The following RBFOX1 variants were observed in gnomAD, a reference collection of about 807,000 sequenced individuals.
RBFOX1 encodes the protein RNA binding fox-1 homolog 1.
RBFOX1 carries 8 observed loss-of-function variants against 57.7 expected under a neutral mutation model. The ratio of observed to expected loss-of-function variants is 0.14; its 90% CI spans 0.08 to 0.25. RBFOX1 has a LOEUF of 0.25. Among genes scored for constraint, RBFOX1 ranks in the 10% least tolerant of loss-of-function variants. RBFOX1 has a pLI of 1.00. For synonymous variants in RBFOX1, 326 were observed against 222.4 expected, an observed-to-expected ratio of 1.47 and a Z score of -4.15; for missense variants, 611 against 548.5, an observed-to-expected ratio of 1.11 and a Z score of -1.14.
chr16:6,416,579 G>A (rs969771385), intron 2 of RBFOX1, among the ~76,000 whole-genome samples: 1 of 151,984 alleles, frequency 6.6e-6, no homozygotes, highest in African/African-American at 2.4e-5. Context: ...GTGGCACCGA[G>A]GCTTCTTGTA....
chr16:6,573,335 C>G (rs1281259172), intron 2 of RBFOX1, among the ~76,000 whole-genome samples: 1 of 152,170 alleles, frequency 6.6e-6, no homozygotes, highest in African/African-American at 2.4e-5. Flanking sequence ...CAGAGAAAGG[C>G]TTTCTCCTGC....
chr16:5,486,455 A>G (rs960914662), intron 2 of RBFOX1, among the ~76,000 whole-genome samples: 1 of 152,188 alleles, frequency 6.6e-6, no homozygotes, highest in Non-Finnish European at 1.5e-5. Context: ...GTACAGAGTG[A>G]TCTGTTTTGA....
At chr16:5,956,647 T>C (rs1419399890) in intron 4 of RBFOX1, among the ~76,000 whole-genome samples, 1 of 106,100 alleles carries the variant, frequency 9.4e-6, no homozygotes, top group Non-Finnish European at 1.8e-5. Context: ...CAAATATATA[T>C]ATATATATAT....
intron 4 of RBFOX1, among the ~76,000 whole-genome samples, chr16:7,314,590 A>T (rs907836545): frequency 3.3e-5 from 5 of 152,198 alleles, no homozygotes; most frequent in Non-Finnish European, 7.3e-5. Context: ...TTTGTTTCAC[A>T]GTGGCATCAC....
chr16:7,223,147 C>G (rs2092852535), intron 4 of RBFOX1, among the ~76,000 whole-genome samples: 1 of 152,212 alleles, frequency 6.6e-6, no homozygotes, highest in African/African-American at 2.4e-5. Context: ...GGTAGAAGGG[C>G]TGAAGCGAAG....
At chr16:6,117,080 C>G (rs967731384) in intron 1 of RBFOX1, among the ~76,000 whole-genome samples, 1 of 152,056 alleles carries the variant, frequency 6.6e-6, no homozygotes, top group African/African-American at 2.4e-5. Flanking sequence ...AGTCTGATGC[C>G]CTCACCAAAG....
At chr16:6,767,655 C>G (rs2077529444) in intron 3 of RBFOX1, among the ~76,000 whole-genome samples, 1 of 151,954 alleles carries the variant, frequency 6.6e-6, no homozygotes. Flanking sequence ...GTGGCTTATG[C>G]CTGTAATCCC....
Position 5,352,657 on chromosome 16 carries a change from T to G in RBFOX1, c.219+112552T>G, listed in dbSNP as rs138846155. On this transcript the variant is annotated intron_variant, in intron 1 of 2. Coordinates refer to the RBFOX1 transcript ENST00000585867. ...AAGAAATTTAATGATAATAAAATAC[T>G]CTTCGGTGGTCACGGTGGCTCATAC... Among the ~76,000 whole-genome samples the G allele has an allele frequency of 5.3e-5, 8 of 152,322 alleles. No individual in the cohort carries two copies. In the East Asian group the frequency reaches 1.5e-3, roughly 29 times the overall value.
intron 3 of RBFOX1, among the ~76,000 whole-genome samples, chr16:6,892,131 C>T (rs1340558750): frequency 1.3e-5 from 2 of 152,100 alleles, no homozygotes; most frequent in African/African-American, 4.8e-5. Context: ...TCCCCAAACC[C>T]CCTGGTTGGT....
At chr16:6,731,742 T>C (rs754360981) in intron 3 of RBFOX1, among the ~76,000 whole-genome samples, 14 of 152,068 alleles carry the variant, frequency 9.2e-5, no homozygotes, top group Non-Finnish European at 1.8e-4. Flanking sequence ...GTCCATCCTT[T>C]ATTACAGGAT....
At chr16:7,130,621 T>C (rs1453303414) in intron 4 of RBFOX1, among the ~76,000 whole-genome samples, 1 of 152,156 alleles carries the variant, frequency 6.6e-6, no homozygotes, top group East Asian at 1.9e-4. Flanking sequence ...TCTGCAGTGG[T>C]GATGTAGGTT....
intron 4 of RBFOX1, among the ~76,000 whole-genome samples, chr16:7,440,507 G>C (rs1378477574): frequency 6.6e-6 from 1 of 152,140 alleles, no homozygotes; most frequent in Non-Finnish European, 1.5e-5. Flanking sequence ...AATGTGGCCA[G>C]CATTAGGCGG....
At chr16:7,118,286 C>T (rs1214973509) in intron 4 of RBFOX1, among the ~76,000 whole-genome samples, 1 of 152,082 alleles carries the variant, frequency 6.6e-6, no homozygotes, top group African/African-American at 2.4e-5. Context: ...GTCATTCTGG[C>T]TGGGTAAGGT....
intron 2 of RBFOX1, among the ~76,000 whole-genome samples, chr16:6,466,203 C>G (rs1442843270): frequency 2.0e-5 from 3 of 149,538 alleles, no homozygotes; most frequent in East Asian, 2.0e-4. Flanking sequence ...GCACTCCAGC[C>G]TGGGCGACAG....
chr16:7,667,857 A>G lies in RBFOX1; in HGVS notation c.930+2889A>G, dbSNP rs1175629374. Among the ~76,000 whole-genome samples, 3 of 152,030 alleles carry G rather than the reference A, an allele frequency of 2.0e-5. No individual in the cohort carries two copies. In the East Asian group the frequency reaches 5.8e-4, roughly 29 times the overall value. On this transcript the variant is annotated intron_variant, in intron 13 of 15. Coordinates refer to ENST00000550418, the MANE Select transcript of RBFOX1 (RefSeq NM_018723.4). ...CCTGGCTAATTTTTGTATTTTTAGTAAAGACAGGATTTCACCATGTTGGCC... is the reference window on the plus strand; with the variant it reads ...CCTGGCTAATTTTTGTATTTTTAGTGAAGACAGGATTTCACCATGTTGGCC...
At chr16:5,927,569 C>T (rs1316983228) in intron 4 of RBFOX1, among the ~76,000 whole-genome samples, 2 of 152,094 alleles carry the variant, frequency 1.3e-5, no homozygotes, top group Non-Finnish European at 2.9e-5. Flanking sequence ...GTAGAACTAC[C>T]GTATGATCCA....
At chr16:6,175,824 G>A (rs891020387) in intron 1 of RBFOX1, among the ~76,000 whole-genome samples, 35 of 152,084 alleles carry the variant, frequency 2.3e-4, no homozygotes, top group Non-Finnish European at 2.8e-4. Flanking sequence ...GGACCCACAC[G>A]GGGACAATCA....
At chr16:6,193,188 C>T (rs769095865) in intron 1 of RBFOX1, among the ~76,000 whole-genome samples, 11 of 151,430 alleles carry the variant, frequency 7.3e-5, no homozygotes, top group Non-Finnish European at 1.5e-4. Context: ...TTGAAAACCT[C>T]ATCCAAGGCT....
At chr16:6,742,872 A>G (rs540130199) in intron 3 of RBFOX1, among the ~76,000 whole-genome samples, 27 of 152,228 alleles carry the variant, frequency 1.8e-4, no homozygotes, top group Non-Finnish European at 3.5e-4. Context: ...TGAAGGAGAA[A>G]TCTGTGGTGA....
Sources: allele counts gnomAD v4.1 joint callset (sites outside exome capture counted in the v4.1 genomes callset), GRCh38; gene constraint gnomAD v4.1.1; transcripts MANE v1.5; gene names NCBI Gene and HGNC (gene_info 2026-07-23, HGNC 2026-07-21).